Variants in FBP1 observed in about 807,000 individuals in gnomAD.
The protein encoded by FBP1 is fructose-bisphosphatase 1.
FBP1 carries 22 observed loss-of-function variants against 29.9 expected under a neutral mutation model. The ratio of observed to expected loss-of-function variants is 0.74; its 90% CI spans 0.53 to 1.05. The LOEUF (loss-of-function observed/expected upper bound fraction) is 1.05, where lower values mean the gene tolerates loss of function less well. FBP1 is among the 50% of genes least tolerant of loss of function. FBP1 has a pLI of 0.00. For missense variants in FBP1, 345 were observed against 448.2 expected (o/e 0.77, Z 2.08); for synonymous variants, 175 against 178.6 (o/e 0.98, Z 0.16).
chr9:94,638,905 A>C (rs1828239212), intron 1 of FBP1, among the ~76,000 whole-genome samples: 1 of 152,156 alleles, frequency 6.6e-6, no homozygotes, highest in Admixed American at 6.5e-5. Context: ...TACACCTGTG[A>C]GACGGACCCC....
At chr9:94,609,427 T>C (rs1016774623) in intron 4 of FBP1, among the ~76,000 whole-genome samples, 1 of 152,198 alleles carries the variant, frequency 6.6e-6, no homozygotes, top group African/African-American at 2.4e-5. Context: ...CATAAATGCA[T>C]TTTAGTTGGC....
chr9:94,613,793 A>G (rs1302991742), intron 3 of FBP1, among the ~76,000 whole-genome samples: 1 of 148,986 alleles, frequency 6.7e-6, no homozygotes, highest in African/African-American at 2.5e-5. Flanking sequence ...AAGAAAAAAA[A>G]AAGGCCGGAC....
intron 5 of FBP1, 46 bp downstream of exon 5, chr9:94,606,769 G>A (rs748883011): frequency 1.3e-6 from 2 of 1,592,614 alleles, no homozygotes; most frequent in Non-Finnish European, 8.6e-7. Context: ...GGCCTCTGGT[G>A]CCAGATGCCC....
At chr9:94,622,741 C>T (rs1468784423) in intron 1 of FBP1, among the ~76,000 whole-genome samples, 1 of 152,208 alleles carries the variant, frequency 6.6e-6, no homozygotes, top group African/African-American at 2.4e-5. Flanking sequence ...GTCTATCGAG[C>T]TTTGAGCTCC....
upstream of FBP1, chr9:94,639,528 C>T: frequency 1.6e-6 from 1 of 617,206 alleles, no homozygotes; most frequent in Non-Finnish European, 2.9e-6. Context: ...GGCCAGGCGC[C>T]GGCGGGTGAA....
chr9:94,632,088 A>G (rs1828111615), intron 1 of FBP1, among the ~76,000 whole-genome samples: 1 of 152,180 alleles, frequency 6.6e-6, no homozygotes, highest in Non-Finnish European at 1.5e-5. Flanking sequence ...AAAAACTGCA[A>G]ATTGGAAGAT....
At chr9:94,638,753 G>C (rs1828235662) in intron 1 of FBP1, among the ~76,000 whole-genome samples, 1 of 152,186 alleles carries the variant, frequency 6.6e-6, no homozygotes, top group Admixed American at 6.5e-5. Context: ...AATGGGGAAG[G>C]AAGGCACCTG....
upstream of FBP1, among the ~76,000 whole-genome samples, chr9:94,639,813 G>A (rs1230386745): frequency 3.3e-5 from 5 of 152,192 alleles, no homozygotes; most frequent in East Asian, 9.6e-4. Flanking sequence ...AGCTATGACT[G>A]TTTCCTCCAA....
chr9:94,615,770 A>G (rs940054811), intron 3 of FBP1, among the ~76,000 whole-genome samples: 32 of 151,928 alleles, frequency 2.1e-4, no homozygotes, highest in African/African-American at 7.3e-4. Context: ...AAAGGAAATT[A>G]TGTATAATAC....
intron 4 of FBP1, 129 bp from the exon 5 acceptor site, chr9:94,607,081 G>A: frequency 8.5e-7 from 1 of 1,182,734 alleles, no homozygotes; most frequent in South Asian, 1.2e-5. Context: ...CTCATCTTGG[G>A]GCCCCGAGAC....
At chr9:94,620,578 G>A in intron 1 of FBP1, 87 bp from the exon 2 acceptor site, 4 of 1,315,020 alleles carry the variant, frequency 3.0e-6, no homozygotes, top group African/African-American at 1.5e-5. Flanking sequence ...TGAGTGTTCG[G>A]TAAGATTTAG....
At chr9:94,616,120 G>A (rs1291150158) in intron 3 of FBP1, among the ~76,000 whole-genome samples, 3 of 151,820 alleles carry the variant, frequency 2.0e-5, no homozygotes, top group East Asian at 1.9e-4. Flanking sequence ...GAGCCATCTC[G>A]CTAGGCCAAG....
upstream of FBP1, chr9:94,640,078 G>A (rs965179691): frequency 3.3e-5 from 5 of 152,322 alleles, no homozygotes; most frequent in African/African-American, 1.2e-4. Flanking sequence ...CCTTAATCCA[G>A]GCCTCTTCTC....
chr9:94,630,228 A>C (rs1207260723), intron 1 of FBP1, among the ~76,000 whole-genome samples: 1 of 152,170 alleles, frequency 6.6e-6, no homozygotes, highest in East Asian at 1.9e-4. Context: ...AAATTTAGAG[A>C]GTAATAAAAG....
intron 1 of FBP1, among the ~76,000 whole-genome samples, chr9:94,621,398 A>AAAAAAAAAAAAAAATAT (rs58726402): frequency 6.8e-6 from 1 of 146,156 alleles, no homozygotes; most frequent in African/African-American, 2.6e-5. Flanking sequence ...TCCGTCTAAA[A>AAAAAAAAAAAAAAATAT]ATATATATAT....
intron 2 of FBP1, among the ~76,000 whole-genome samples, chr9:94,618,939 G>A (rs1030557563): frequency 2.0e-5 from 3 of 152,144 alleles, no homozygotes; most frequent in Non-Finnish European, 4.4e-5. Flanking sequence ...GCACATCACT[G>A]GGAGTTTTCC....
chr9:94,633,918 GGATGGTCTCGATCTCCTGACCT>G (rs1828149479), intron 1 of FBP1, among the ~76,000 whole-genome samples: 1 of 151,334 alleles, frequency 6.6e-6, no homozygotes, highest in Non-Finnish European at 1.5e-5. Context: ...GTGTTGGCCA[GGATGGTCTCGATCTCCTGACCT>G]CGTGATCCGC....
At chr9:94,627,088 T>C (rs762343788) in intron 1 of FBP1, among the ~76,000 whole-genome samples, 16 of 151,604 alleles carry the variant, frequency 1.1e-4, no homozygotes, top group Non-Finnish European at 2.1e-4. Flanking sequence ...CTCAGGAGGC[T>C]GAGGCAGGAG....
At chr9:94,621,218 A>T in intron 1 of FBP1, among the ~76,000 whole-genome samples, 1 of 137,100 alleles carries the variant, frequency 7.3e-6, no homozygotes, top group African/African-American at 2.9e-5. Flanking sequence ...CGTCTCAAAA[A>T]AAAAAAAAAA....
Sources: gnomAD v4.1 joint callset for allele counts (sites outside exome capture counted in the v4.1 genomes callset) on GRCh38, gnomAD v4.1.1 for gene constraint, MANE v1.5 for transcripts, NCBI Gene and HGNC (gene_info 2026-07-23, HGNC 2026-07-21) for gene names.